The following FBXW7 variants were observed in gnomAD, a reference collection of about 807,000 sequenced individuals.
FBXW7 encodes F-box and WD repeat domain containing 7.
In FBXW7, 11 loss-of-function variants were observed where a neutral mutation model predicts 86.3. That is an observed-to-expected ratio of 0.13 (90% CI 0.08 to 0.21). The LOEUF is 0.21. Among genes scored for constraint, FBXW7 ranks in the 10% least tolerant of loss-of-function variants. The probability of loss-of-function intolerance (pLI) is 1.00; values close to 1 mark genes in which losing one functional copy is unlikely to be tolerated. For missense variants in FBXW7, 488 were observed against 847.4 expected, an observed-to-expected ratio of 0.58 and a Z score of 5.27; for synonymous variants, 313 against 297.9, an observed-to-expected ratio of 1.05 and a Z score of -0.52.
At position 152,491,382 on chromosome 4, in the gene FBXW7, C is replaced by G. The variant is rs190598113; in HGVS notation, c.-120+43559G>C. ...ATAGATATATCTTTCCCTCCAAAAA[C>G]TTAGGCTTAGTCTAGTGTAGAGGTT... On this transcript the variant is annotated intron_variant, in intron 2 of 13. Transcript: ENST00000281708. 9.7e-3 allele frequency among the ~76,000 whole-genome samples: 1,474 copies of G among 152,168 alleles called. 29 individuals carry two copies. The highest frequency in any genetic ancestry group is 0.033 in the African/African-American group (1,375 of 41,520).
At position 152,411,695 on chromosome 4, in the gene FBXW7, C is replaced by T; in HGVS notation, c.109G>A (p.Val37Ile). 6.2e-7 allele frequency: 1 copy of T among 1,613,862 alleles called. No homozygotes were observed. Among genetic ancestry groups the T allele is most frequent in the Non-Finnish European group, 8.5e-7 (1 of 1,179,860 alleles). ...AGTTGCTGTTGCTGTTCCTCCTCTA[C>T]CACACGATTCATCTGTTCTTCATCT... ...QVDEEQMNRV[V>I]EEEQQQQLRQ... The change falls in exon 4 of 14, where the codon GTA (valine) becomes ATA (isoleucine). Residue 37 changes from valine (V) to isoleucine (I), a missense_variant. This residue lies in a region of FBXW7 where 230 missense variants were observed against 240.0 expected (regional missense o/e 0.96). Transcript: ENST00000281708.
chr4:152,339,669 T>C (rs1475644513), intron 6 of FBXW7, among the ~76,000 whole-genome samples: 1 of 152,090 alleles, frequency 6.6e-6, no homozygotes, highest in Non-Finnish European at 1.5e-5. Context: ...AGGCCAGGTG[T>C]GTTGGCTCAT....
intron 4 of FBXW7, among the ~76,000 whole-genome samples, chr4:152,357,220 T>C (rs1022143725): frequency 8.5e-5 from 13 of 152,166 alleles, no homozygotes; most frequent in African/African-American, 2.7e-4. Context: ...GGGATGTTTA[T>C]AATATATATA....
chr4:152,493,912 T>C (rs548568811), intron 2 of FBXW7, among the ~76,000 whole-genome samples: 4 of 152,104 alleles, frequency 2.6e-5, no homozygotes, highest in Non-Finnish European at 5.9e-5. Context: ...AACAGAGAGG[T>C]TGTTGGTATC....
chr4:152,324,029 ACTAGTT>A, intron 13 of FBXW7, 149 bp downstream of exon 13: 1 of 612,810 alleles, frequency 1.6e-6, no homozygotes, highest in South Asian at 2.0e-5. Context: ...TCAAGAGTAG[ACTAGTT>A]CTGTAAGTCA....
chr4:152,506,125 A>C (rs1259745973), intron 2 of FBXW7, among the ~76,000 whole-genome samples: 1 of 151,814 alleles, frequency 6.6e-6, no homozygotes, highest in Non-Finnish European at 1.5e-5. Flanking sequence ...ACTGTACATA[A>C]TTGTATGTGC....
intron 4 of FBXW7, among the ~76,000 whole-genome samples, chr4:152,387,929 C>T (rs1233105938): frequency 2.6e-5 from 4 of 151,820 alleles, no homozygotes; most frequent in Admixed American, 1.3e-4. Flanking sequence ...AGGCTGGTCT[C>T]GAACTCCTGA....
Position 152,414,291 on chromosome 4 carries a change from A to G in FBXW7, c.-119-1762T>C, listed in dbSNP as rs547583297. 6.6e-5 allele frequency among the ~76,000 whole-genome samples: 10 copies of G among 152,190 alleles called. No homozygotes were observed. In the South Asian group the frequency reaches 2.1e-3, roughly 32 times the overall value. ...AGGCTATGTTTGGGGGCCATTCTAA[A>G]CTGCACAATCACTAACAAAAAGCAC... On this transcript the variant is annotated intron_variant, in intron 2 of 13. Coordinates refer to ENST00000281708, the MANE Select transcript of FBXW7 (RefSeq NM_001349798.2).
At position 152,352,781 on chromosome 4, in the gene FBXW7, C is replaced by G. The variant is rs578238429; in HGVS notation, c.502-2657G>C. On this transcript the variant is annotated intron_variant, in intron 4 of 13. Transcript: ENST00000281708. ...AACTCGAGGGAATAATGAGAGAGAA[C>G]GGAGAAGATTATTGGAGGAGACTAT... The G allele has an allele frequency of 8.8e-6, 14 of 1,599,204 alleles. No individual in the cohort carries two copies. The African/African-American group carries it at 1.5e-4, about 17-fold the overall frequency.
chr4:152,510,380 G>C (rs536516815), intron 2 of FBXW7, among the ~76,000 whole-genome samples: 145 of 152,206 alleles, frequency 9.5e-4, no homozygotes, highest in African/African-American at 3.4e-3. Context: ...TCTCCAAAAA[G>C]GCCACAAAAA....
intron 4 of FBXW7, chr4:152,352,665 C>T (rs780982777): frequency 3.1e-6 from 5 of 1,613,784 alleles, no homozygotes; most frequent in Non-Finnish European, 4.2e-6. Flanking sequence ...GGAGCAGAAC[C>T]GGCAACAAAA....
intron 2 of FBXW7, among the ~76,000 whole-genome samples, chr4:152,467,783 C>G (rs1418761070): frequency 6.6e-6 from 1 of 152,126 alleles, no homozygotes; most frequent in Non-Finnish European, 1.5e-5. Flanking sequence ...TGCAATATAA[C>G]ACCAAAAGAA....
intron 4 of FBXW7, among the ~76,000 whole-genome samples, chr4:152,386,877 C>T (rs901120876): frequency 2.0e-5 from 3 of 152,114 alleles, no homozygotes; most frequent in Non-Finnish European, 2.9e-5. Context: ...ATCACCAATA[C>T]GGTATCTGTA....
intron 4 of FBXW7, among the ~76,000 whole-genome samples, chr4:152,408,495 C>CTA (rs1465821862): frequency 1.3e-5 from 2 of 152,134 alleles, no homozygotes; most frequent in Non-Finnish European, 2.9e-5. Flanking sequence ...AGTATGACCT[C>CTA]TATAAAATTT....
chr4:152,412,294 TA>T (rs1312856566), intron 3 of FBXW7, among the ~76,000 whole-genome samples, 185 bp downstream of exon 3: 1 of 152,114 alleles, frequency 6.6e-6, no homozygotes, highest in East Asian at 1.9e-4. Flanking sequence ...AATGCTGAGG[TA>T]AATCAGATTA....
intron 2 of FBXW7, among the ~76,000 whole-genome samples, chr4:152,519,979 T>C (rs1285438657): frequency 3.3e-5 from 5 of 152,214 alleles, no homozygotes; most frequent in Non-Finnish European, 7.4e-5. Flanking sequence ...CTAAGTTAAA[T>C]AACGGTTGTA....
chr4:152,398,237 G>A (rs1421159737), intron 4 of FBXW7, among the ~76,000 whole-genome samples: 1 of 151,638 alleles, frequency 6.6e-6, no homozygotes, highest in Admixed American at 6.6e-5. Context: ...ATGGAAAGCC[G>A]CTCTATCTAT....
intron 10 of FBXW7, 90 bp from the exon 11 acceptor site, chr4:152,328,479 T>C (rs1729258934): frequency 2.4e-6 from 2 of 837,154 alleles, no homozygotes; most frequent in Admixed American, 3.0e-5. Flanking sequence ...TGGAGTAAAG[T>C]TACTTATTTA....
rs142549531 is a variant in FBXW7 at position 152,532,270 on chromosome 4, G to T, written c.-120+2671C>A. Among the ~76,000 whole-genome samples, 277 of 152,246 alleles carry T rather than the reference G, an allele frequency of 1.8e-3. 7 individuals are homozygous for T. The East Asian group carries it at 0.047, about 26-fold the overall frequency. On this transcript the variant is annotated intron_variant, in intron 2 of 13. Transcript: ENST00000281708. ...TAAGAAGCCACTTTCAACACACTAA[G>T]CATCTTCTTTTTCACTCCTCCTTCT...
Sources: gnomAD v4.1 joint callset for allele counts (sites outside exome capture counted in the v4.1 genomes callset) on GRCh38, gnomAD v4.1.1 for gene constraint, gnomAD v4.1.1 regional missense constraint, MANE v1.5 for transcripts, NCBI Gene and HGNC (gene_info 2026-07-23, HGNC 2026-07-21) for gene names.